ACVR2B: variants seen among roughly 807,000 people sequenced by gnomAD.
ACVR2B encodes activin receptor type-2B.
A neutral mutation model predicts 65.1 loss-of-function variants in ACVR2B; 18 were observed. The observed-to-expected ratio is 0.28, with a 90% CI of 0.19 to 0.41. The LOEUF is 0.41. ACVR2B is among the 10% of genes least tolerant of loss of function. The pLI, the probability that ACVR2B is intolerant of heterozygous loss-of-function variation, is 1.00. For synonymous variants in ACVR2B, 298 were observed against 277.7 expected, an observed-to-expected ratio of 1.07 and a Z score of -0.73; for missense variants, 482 against 682.7, an observed-to-expected ratio of 0.71 and a Z score of 3.28.
intron 1 of ACVR2B, among the ~76,000 whole-genome samples, chr3:38,461,875 A>G (rs1421479561): frequency 6.6e-6 from 1 of 152,152 alleles, no homozygotes; most frequent in African/African-American, 2.4e-5. Context: ...TTACTTGTGC[A>G]TCTATAGAAA....
intron 1 of ACVR2B, among the ~76,000 whole-genome samples, chr3:38,468,871 A>G (rs976243876): frequency 1.7e-4 from 26 of 152,178 alleles, no homozygotes; most frequent in African/African-American, 6.3e-4. Context: ...AGGGAGCAAA[A>G]AGGAAATGTT....
At position 38,481,494 on chromosome 3, in the gene ACVR2B, G is replaced by A. The variant is rs373610670; in HGVS notation, c.1074+29G>A. 8.8e-6 allele frequency: 14 copies of A among 1,583,186 alleles called. No homozygotes were observed. In the African/African-American group the frequency reaches 1.7e-4, roughly 20 times the overall value. ...ACAGGCCTCACAGGGCAGGAAGAGAGGGACAGACCCAGGGTAGATACTTTG... is the reference window on the plus strand; with the variant it reads ...ACAGGCCTCACAGGGCAGGAAGAGAAGGACAGACCCAGGGTAGATACTTTG... On this transcript the variant is annotated intron_variant, in intron 8 of 10. Coordinates refer to ENST00000352511, the MANE Select transcript of ACVR2B (RefSeq NM_001106.4). This position sits in a 1 kb window ranked among gnomAD's most constrained non-coding sequence, Gnocchi z 4.7.
rs1243901989 is a variant in ACVR2B, at chr3:38,477,723, G to A, written c.261-138G>A. On this transcript the variant is annotated intron_variant, in intron 2 of 10. Coordinates refer to ENST00000352511, the MANE Select transcript of ACVR2B (RefSeq NM_001106.4). This position sits in a 1 kb window ranked among gnomAD's most constrained non-coding sequence, Gnocchi z 6.7. Reference sequence around the variant, plus strand: ...GTTCTTCCTTGGCTTTGGGTCTCCTGTAGGGGAGGTGAGTTCACACCGTCC... The same window carrying A: ...GTTCTTCCTTGGCTTTGGGTCTCCTATAGGGGAGGTGAGTTCACACCGTCC... 9.3e-7 allele frequency: 1 copy of A among 1,074,180 alleles called. No individual in the cohort carries two copies. The highest frequency in any genetic ancestry group is 1.7e-5 in the Admixed American group (1 of 58,934). 66.5% of individuals were successfully genotyped at this position (1,074,180 alleles called of 1,614,324 possible). A position where few individuals can be genotyped will look rare whatever the true frequency, so the allele number is the denominator to read the frequency against.
At chr3:38,479,007 G>A in intron 5 of ACVR2B, 121 bp from the exon 6 acceptor site, 7 of 1,333,012 alleles carry the variant, frequency 5.3e-6, no homozygotes, top group Non-Finnish European at 3.2e-6. Flanking sequence ...TGGGGGGTGG[G>A]GATTGGGCTG....
At chr3:38,457,531 G>C (rs965220813) in intron 1 of ACVR2B, among the ~76,000 whole-genome samples, 2 of 152,218 alleles carry the variant, frequency 1.3e-5, no homozygotes, top group African/African-American at 4.8e-5. Context: ...GTGCTTGGCC[G>C]AGTGTCCTTG....
Position 38,486,768 on chromosome 3 carries a change from G to A in ACVR2B, c.*3436G>A, listed in dbSNP as rs1170501464. The A allele has an allele frequency of 2.0e-5, 3 of 152,196 alleles. No homozygotes were observed. Among genetic ancestry groups the A allele is most frequent in the African/African-American group, 4.8e-5 (2 of 41,436 alleles). 9.4% of individuals were successfully genotyped at this position (152,196 alleles called of 1,614,324 possible). ...TCCTGGCTGTAGGGATGGGCCTTGG[G>A]GAAGAATCTTCTTTGAAAGCATCTA... is the stretch of plus-strand genomic sequence containing the variant. On this transcript the variant is annotated 3_prime_UTR_variant, in exon 11 of 11. Coordinates refer to ENST00000352511, the MANE Select transcript of ACVR2B (RefSeq NM_001106.4).
At position 38,483,030 on chromosome 3, in the gene ACVR2B, TG is replaced by T; in HGVS notation, c.1345-105del. 7.6e-7 allele frequency: 1 copy of T among 1,311,756 alleles called. No individual in the cohort carries two copies. The highest frequency in any genetic ancestry group is 1.1e-6 in the Non-Finnish European group (1 of 910,086). 81.3% of individuals were successfully genotyped at this position (1,311,756 alleles called of 1,614,324 possible). A position where few individuals can be genotyped will look rare whatever the true frequency, so the allele number is the denominator to read the frequency against. On this transcript the variant is annotated intron_variant, in intron 10 of 10. Transcript: ENST00000352511. This position sits in a 1 kb window ranked among gnomAD's most constrained non-coding sequence, Gnocchi z 4.8. ...GACCTGCTGCTGTGGTTGGGGCTGG[TG>T]GGCTCTGCCTGATCCTTGGGAATAT...
rs887890583 is a variant in ACVR2B, at chr3:38,485,349, T to A, written c.*2017T>A. 6.6e-6 allele frequency: 1 copy of A among 152,244 alleles called. No individual in the cohort carries two copies. The highest frequency in any genetic ancestry group is 6.5e-5 in the Admixed American group (1 of 15,282). The allele number at this position is 152,244 out of a possible 1,614,324, so 9.4% of individuals were successfully genotyped here. A position where few individuals can be genotyped will look rare whatever the true frequency, so the allele number is the denominator to read the frequency against. ...AAATTAACAGCAACGTTGGAAGAGA[T>A]CTGTGGCGCCTCTGTGAAGCACACC... On this transcript the variant is annotated 3_prime_UTR_variant, in exon 11 of 11. Transcript: ENST00000352511.
chr3:38,458,709 T>C (rs1294819535), intron 1 of ACVR2B, among the ~76,000 whole-genome samples: 1 of 152,196 alleles, frequency 6.6e-6, no homozygotes, highest in East Asian at 1.9e-4. Flanking sequence ...TCACGGATAC[T>C]GACCTGTCAC....
chr3:38,483,389 A>T lies in ACVR2B; in HGVS notation c.*57A>T. The T allele has an allele frequency of 1.3e-6, 2 of 1,595,844 alleles. No homozygotes were observed. Among genetic ancestry groups the T allele is most frequent in the South Asian group, 2.2e-5 (2 of 90,568 alleles). On this transcript the variant is annotated 3_prime_UTR_variant, in exon 11 of 11. Coordinates refer to ENST00000352511, the MANE Select transcript of ACVR2B (RefSeq NM_001106.4). This position sits in a 1 kb window ranked among gnomAD's most constrained non-coding sequence, Gnocchi z 4.8. ...TGGATCTGAAGAAAAAAGGAAAAAA[A>T]GTTGTGTTTTGTTTTGGAAATCCCA...
chr3:38,460,382 T>C (rs1442933241), intron 1 of ACVR2B, among the ~76,000 whole-genome samples: 1 of 152,190 alleles, frequency 6.6e-6, no homozygotes, highest in African/African-American at 2.4e-5. Flanking sequence ...GCTGCTGCCT[T>C]CTTCTGACTC....
chr3:38,474,631 T>C (rs1056638535), intron 1 of ACVR2B: 4 of 152,268 alleles, frequency 2.6e-5, no homozygotes, highest in South Asian at 2.1e-4. Context: ...TAATGTTTTA[T>C]TTCTCATACA....
intron 1 of ACVR2B, among the ~76,000 whole-genome samples, chr3:38,462,753 T>C (rs1709669693): frequency 6.6e-6 from 1 of 152,230 alleles, no homozygotes; most frequent in African/African-American, 2.4e-5. Flanking sequence ...TGTGATTGTA[T>C]AGAATGTATG....
rs144849143 is a variant in ACVR2B at position 38,479,666 on chromosome 3, G to A, written c.811-12G>A. On this transcript the variant is annotated splice_polypyrimidine_tract_variant and intron_variant, in intron 6 of 10. Coordinates refer to ENST00000352511, the MANE Select transcript of ACVR2B (RefSeq NM_001106.4). Reference sequence around the variant, plus strand: ...AGAATCTGTGCTCAAGTTCTGTGCTGTCTTCTCTCAGGGCTCCCTCACGGA... The same window carrying A: ...AGAATCTGTGCTCAAGTTCTGTGCTATCTTCTCTCAGGGCTCCCTCACGGA... 3.8e-3 allele frequency: 6,163 copies of A among 1,614,036 alleles called. 17 individuals are homozygous for A. Among genetic ancestry groups the A allele is most frequent in the Non-Finnish European group, 4.4e-3 (5,151 of 1,179,966 alleles).
At position 38,489,870 on chromosome 3, in the gene ACVR2B, A is replaced by G. The variant is rs1318593043; in HGVS notation, c.*6538A>G. Reference sequence around the variant, plus strand: ...TTACCCAGTTAAGTAATTGTTCAGAAAAGTGGGGAGGGTGGCATGTGGATG... The same window carrying G: ...TTACCCAGTTAAGTAATTGTTCAGAGAAGTGGGGAGGGTGGCATGTGGATG... On this transcript the variant is annotated 3_prime_UTR_variant, in exon 11 of 11. Coordinates refer to ENST00000352511, the MANE Select transcript of ACVR2B (RefSeq NM_001106.4). The G allele has an allele frequency of 1.3e-5, 2 of 152,194 alleles. No individual in the cohort carries two copies. Among genetic ancestry groups the G allele is most frequent in the Non-Finnish European group, 2.9e-5 (2 of 68,032 alleles). 9.4% of individuals were successfully genotyped at this position (152,194 alleles called of 1,614,324 possible). A position where few individuals can be genotyped will look rare whatever the true frequency, so the allele number is the denominator to read the frequency against.
Position 38,477,397 on chromosome 3 carries a change from A to C in ACVR2B, c.163A>C (p.Lys55Gln). ...GGAGCGCTGCGAAGGCGAGCAGGACAAGCGGCTGCACTGCTACGCCTCCTG... is the reference window on the plus strand; with the variant it reads ...GGAGCGCTGCGAAGGCGAGCAGGACCAGCGGCTGCACTGCTACGCCTCCTG... ...GLERCEGEQD[K>Q]RLHCYASWRN... Residue 55 changes from lysine to glutamine, a missense_variant, in exon 2 of 11, where the codon AAG becomes CAG. This residue lies in a region of ACVR2B where 85 missense variants were observed against 137.3 expected (regional missense o/e 0.62). Transcript: ENST00000352511. The surrounding 1 kb of genome is among the most constrained non-coding windows in gnomAD (Gnocchi z 6.7). 1 of 1,614,176 alleles carries C rather than the reference A, an allele frequency of 6.2e-7. No homozygotes were observed.
chr3:38,471,919 T>A (rs1385557306), intron 1 of ACVR2B, among the ~76,000 whole-genome samples: 1 of 152,196 alleles, frequency 6.6e-6, no homozygotes, highest in Non-Finnish European at 1.5e-5. Context: ...CTTACAAATA[T>A]ATGGATGAAG....
chr3:38,488,940 A>G lies in ACVR2B; in HGVS notation c.*5608A>G, dbSNP rs1710167244. The G allele has an allele frequency of 6.6e-6, 1 of 152,252 alleles. No individual in the cohort carries two copies. The highest frequency in any genetic ancestry group is 2.1e-4 in the South Asian group (1 of 4,832). 9.4% of individuals were successfully genotyped at this position (152,252 alleles called of 1,614,324 possible). ...AATGTACACACCACTCTTTGTGTGT[A>G]TGGAAGGGGTTATATAAACCTGGGC... On this transcript the variant is annotated 3_prime_UTR_variant, in exon 11 of 11. Transcript: ENST00000352511.
intron 1 of ACVR2B, among the ~76,000 whole-genome samples, chr3:38,458,399 G>A (rs1053217501): frequency 2.6e-5 from 4 of 152,194 alleles, no homozygotes; most frequent in Admixed American, 6.5e-5. Flanking sequence ...GTTTTGTACA[G>A]ATACTGGGAA....
Sources: gnomAD v4.1 joint callset for allele counts (sites outside exome capture counted in the v4.1 genomes callset) on GRCh38, gnomAD v4.1.1 for gene constraint, gnomAD v4.1.1 regional missense constraint, Gnocchi (gnomAD v3.1) non-coding constraint, MANE v1.5 for transcripts, NCBI Gene and HGNC (gene_info 2026-07-23, HGNC 2026-07-21) for gene names.